Variants in FBXO24 observed in about 807,000 individuals in gnomAD.
FBXO24 encodes F-box protein 24.
FBXO24 carries 30 observed loss-of-function variants against 63.5 expected under a neutral mutation model. That is an observed-to-expected ratio of 0.47 (90% CI 0.35 to 0.64). The LOEUF is 0.64. Among genes scored for constraint, FBXO24 ranks in the 30% least tolerant of loss-of-function variants. The probability of loss-of-function intolerance (pLI) is 0.00; values close to 1 mark genes in which losing one functional copy is unlikely to be tolerated. For synonymous variants in FBXO24, 300 were observed against 305.0 expected, an observed-to-expected ratio of 0.98 and a Z score of 0.17; for missense variants, 624 against 763.4, an observed-to-expected ratio of 0.82 and a Z score of 2.15.
Position 100,600,266 on chromosome 7 carries a change from A to G in FBXO24, c.1377+65A>G. 1 of 1,455,316 alleles carries G rather than the reference A, an allele frequency of 6.9e-7. No individual in the cohort carries two copies. The highest frequency in any genetic ancestry group is 9.1e-7 in the Non-Finnish European group (1 of 1,099,216). 90.2% of individuals were successfully genotyped at this position (1,455,316 alleles called of 1,614,324 possible). A position where few individuals can be genotyped will look rare whatever the true frequency, so the allele number is the denominator to read the frequency against. ...GAGAGCCATGAACCAGGAAGCCCAC[A>G]GGCTGTAGCTGGGGCTCCTGCAGGG... On this transcript the variant is annotated intron_variant, in intron 9 of 9. Transcript: ENST00000241071. This position sits in a 1 kb window ranked among gnomAD's most constrained non-coding sequence, Gnocchi z 6.3.
rs1426970382 is a variant in FBXO24, at chr7:100,592,905, T to C, written c.681T>C (p.Tyr227=). The C allele has an allele frequency of 1.9e-6, 3 of 1,614,080 alleles. No individual in the cohort carries two copies. The African/African-American group carries it at 4.0e-5, about 22-fold the overall frequency. The change falls in exon 5 of 10, where the codon TAT becomes TAC. Residue 227 remains tyrosine, a synonymous_variant. Transcript: ENST00000241071. ...SSRACDCVEV[Y]LQSSGQRVFK... ...GGGCCTGTGACTGTGTTGAGGTCTA[T>C]CTGCAGTCTAGTGGGCAGCGGGTCT...
At position 100,591,875 on chromosome 7, in the gene FBXO24, T is replaced by C. The variant is rs1476627831; in HGVS notation, c.531T>C (p.Tyr177=). Residue 177 remains tyrosine, a synonymous_variant, in exon 4 of 10, where the codon TAT becomes TAC. Coordinates refer to ENST00000241071, the MANE Select transcript of FBXO24 (RefSeq NM_033506.3). ...TGCAGTGGAAGCGGGCCTGTCGCTATGTTGTGTTGTGTCGTGGAGCCAAGG... is the reference window on the plus strand; with the variant it reads ...TGCAGTGGAAGCGGGCCTGTCGCTACGTTGTGTTGTGTCGTGGAGCCAAGG... ...GQMQWKRACR[Y]VVLCRGAKDF... The C allele has an allele frequency of 2.5e-6, 4 of 1,614,196 alleles. No individual in the cohort carries two copies. Among genetic ancestry groups the C allele is most frequent in the Admixed American group, 1.7e-5 (1 of 60,014 alleles).
Position 100,594,251 on chromosome 7 carries a change from T to C in FBXO24, c.794-132T>C. 1.0e-6 allele frequency: 1 copy of C among 984,892 alleles called. No homozygotes were observed. Among genetic ancestry groups the C allele is most frequent in the Non-Finnish European group, 1.5e-6 (1 of 683,246 alleles). The allele number at this position is 984,892 out of a possible 1,614,324, so 61.0% of individuals were successfully genotyped here. On this transcript the variant is annotated intron_variant, in intron 5 of 9. Coordinates refer to ENST00000241071, the MANE Select transcript of FBXO24 (RefSeq NM_033506.3). This position sits in a 1 kb window ranked among gnomAD's most constrained non-coding sequence, Gnocchi z 4.2. ...GAGTCTGGGGGACTTGGGGTCACTCTTCCCTTATTTCTTTCTCAGCCCCAC... is the reference window on the plus strand; with the variant it reads ...GAGTCTGGGGGACTTGGGGTCACTCCTCCCTTATTTCTTTCTCAGCCCCAC...
In FBXO24 at chr7:100,595,206, C is replaced by T; in HGVS notation, c.1057C>T (p.Leu353Phe). The T allele has an allele frequency of 6.2e-7, 1 of 1,614,160 alleles. No individual in the cohort carries two copies. Among genetic ancestry groups the T allele is most frequent in the Non-Finnish European group, 8.5e-7 (1 of 1,180,006 alleles). Reference sequence around the variant, plus strand: ...CCTGGACCAGCAGATGCCGCTTGCTCTCTCACTGCCTGCCAAGGTAGGCTC... The same window carrying T: ...CCTGGACCAGCAGATGCCGCTTGCTTTCTCACTGCCTGCCAAGGTAGGCTC... ...DPLDQQMPLA[L>F]SLPAKILFCA... Residue 353 changes from leucine (L) to phenylalanine (F), a missense_variant, in exon 7 of 10, where the codon CTC becomes TTC. Physicochemically the swap from Leu to Phe is conservative, Grantham distance 22. Transcript: ENST00000241071.
At position 100,600,303 on chromosome 7, in the gene FBXO24, C is replaced by T. The variant is rs1802529520; in HGVS notation, c.1377+102C>T. Reference sequence around the variant, plus strand: ...GGGCTCCTGCAGGGACCCAGGGGGTCCCATTTCCCTAGCACCACCCCACCT... The same window carrying T: ...GGGCTCCTGCAGGGACCCAGGGGGTTCCATTTCCCTAGCACCACCCCACCT... On this transcript the variant is annotated intron_variant, in intron 9 of 9. Transcript: ENST00000241071. This position sits in a 1 kb window ranked among gnomAD's most constrained non-coding sequence, Gnocchi z 6.3. The T allele has an allele frequency of 2.8e-6, 4 of 1,405,934 alleles. No individual in the cohort carries two copies. In the African/African-American group the frequency reaches 5.8e-5, roughly 20 times the overall value. 87.1% of individuals were successfully genotyped at this position (1,405,934 alleles called of 1,614,324 possible).
chr7:100,588,522 G>A (rs757223455), intron 1 of FBXO24, among the ~76,000 whole-genome samples: 1 of 152,182 alleles, frequency 6.6e-6, no homozygotes, highest in African/African-American at 2.4e-5. Context: ...GTCAATGAAC[G>A]GATCTGTGAC....
chr7:100,592,968 G>A lies in FBXO24; in HGVS notation c.744G>A (p.Gln248=). The A allele has an allele frequency of 6.2e-7, 1 of 1,614,218 alleles. No homozygotes were observed. The highest frequency in any genetic ancestry group is 8.5e-7 in the Non-Finnish European group (1 of 1,180,046). ...TCCACCACTCAATGACCTTCAAGCA[G>A]ATCGTGCTGGTTGGTCAGGAGACCC... The part of the protein sequence containing the change: ...MTFHHSMTFK[Q]IVLVGQETQR... Residue 248 remains glutamine, a synonymous_variant, in exon 5 of 10, where the codon CAG becomes CAA. Transcript: ENST00000241071.
In FBXO24 at chr7:100,586,736, C is replaced by T. The variant is rs186546354; in HGVS notation, c.39+72C>T. ...CTGGCCGGCCGGGAACGCAGTTCGC[C>T]GCTGCAGTGGCGAGTGCGAGCTGGA... On this transcript the variant is annotated intron_variant, in intron 1 of 9. Coordinates refer to ENST00000241071, the MANE Select transcript of FBXO24 (RefSeq NM_033506.3). 7 of 1,556,150 alleles carry T rather than the reference C, an allele frequency of 4.5e-6. No individual in the cohort carries two copies. In the East Asian group the frequency reaches 1.1e-4, roughly 25 times the overall value.
Position 100,594,857 on chromosome 7 carries a change from G to A in FBXO24, c.953-245G>A, listed in dbSNP as rs1802227891. On this transcript the variant is annotated intron_variant, in intron 6 of 9. Transcript: ENST00000241071. This position sits in a 1 kb window ranked among gnomAD's most constrained non-coding sequence, Gnocchi z 4.2. Reference sequence around the variant, plus strand: ...CCCAGCTACACCAGAGGCCGAGACAGGAGAATCACTTGAACCAGGAGGTAG... The same window carrying A: ...CCCAGCTACACCAGAGGCCGAGACAAGAGAATCACTTGAACCAGGAGGTAG... Among the ~76,000 whole-genome samples, 1 of 152,188 alleles carries A rather than the reference G, an allele frequency of 6.6e-6. No homozygotes were observed. Among genetic ancestry groups the A allele is most frequent in the East Asian group, 1.9e-4 (1 of 5,196 alleles).
intron 5 of FBXO24, among the ~76,000 whole-genome samples, chr7:100,593,797 CAAAA>C (rs900435798): frequency 2.1e-4 from 12 of 56,586 alleles, no homozygotes; most frequent in Non-Finnish European, 4.1e-4. Flanking sequence ...ACTCCATCTC[CAAAA>C]AAAAAAAAAA....
In FBXO24 at chr7:100,594,274, C is replaced by T; in HGVS notation, c.794-109C>T. On this transcript the variant is annotated intron_variant, in intron 5 of 9. Transcript: ENST00000241071. This position sits in a 1 kb window ranked among gnomAD's most constrained non-coding sequence, Gnocchi z 4.2. The stretch of plus-strand genomic sequence containing the variant: ...TCTTCCCTTATTTCTTTCTCAGCCC[C>T]ACTCTAGGGCAGTAAATGTGTCACC... The T allele has an allele frequency of 8.2e-7, 1 of 1,218,714 alleles. No individual in the cohort carries two copies. The highest frequency in any genetic ancestry group is 1.1e-6 in the Non-Finnish European group (1 of 883,672). The allele number at this position is 1,218,714 out of a possible 1,614,324, so 75.5% of individuals were successfully genotyped here.
chr7:100,589,776 C>G lies in FBXO24; in HGVS notation c.40-201C>G, dbSNP rs377517362. 2.0e-5 allele frequency: 30 copies of G among 1,534,976 alleles called. No individual in the cohort carries two copies. In the Admixed American group the frequency reaches 5.9e-4, roughly 30 times the overall value. ...GCAAAAATTCACCAGGCTGTGTGGA[C>G]GGGAGGAGGGGCTCCGGGTGAGGGG... On this transcript the variant is annotated intron_variant, in intron 1 of 9. Transcript: ENST00000241071.
Position 100,594,931 on chromosome 7 carries a change from C to A in FBXO24, c.953-171C>A, listed in dbSNP as rs572320327. On this transcript the variant is annotated intron_variant, in intron 6 of 9. Transcript: ENST00000241071. The surrounding 1 kb of genome is among the most constrained non-coding windows in gnomAD (Gnocchi z 4.2). ...GCCACTTCGCTCCAGCCTGGGTGAC[C>A]GAGGGAGACTCGGTCTCAAAAGATG... 4.6e-5 allele frequency among the ~76,000 whole-genome samples: 7 copies of A among 152,006 alleles called. No individual in the cohort carries two copies. Among genetic ancestry groups the A allele is most frequent in the Non-Finnish European group, 1.0e-4 (7 of 67,980 alleles).
At chr7:100,595,539 A>G (rs770860221) in intron 7 of FBXO24, 36 bp from the exon 8 acceptor site, 16 of 1,544,016 alleles carry the variant, frequency 1.0e-5, no homozygotes, top group East Asian at 2.3e-5. Context: ...TCTGGAGGGA[A>G]TGGAATCCCT....
At position 100,588,888 on chromosome 7, in the gene FBXO24, C is replaced by T. The variant is rs780585695; in HGVS notation, c.40-1089C>T. 1.0e-3 allele frequency among the ~76,000 whole-genome samples: 152 copies of T among 152,164 alleles called. 1 individual carries two copies. The highest frequency in any genetic ancestry group is 5.8e-4 in the African/African-American group (24 of 41,516). ...TCGCCCGGGCTGGAGTGCAGTGGCA[C>T]GATCATAGCTCACTGCTGCCTCAAA... On this transcript the variant is annotated intron_variant, in intron 1 of 9. Transcript: ENST00000241071.
At position 100,596,643 on chromosome 7, in the gene FBXO24, C is replaced by T. The variant is rs57607761; in HGVS notation, c.1206+937C>T. On this transcript the variant is annotated intron_variant, in intron 8 of 9. Coordinates refer to ENST00000241071, the MANE Select transcript of FBXO24 (RefSeq NM_033506.3). ...GAGTGATGACAGCACTTGAGACAAGCGCCTGGTGCTGCAGCGAGAATGGGA... is the reference window on the plus strand; with the variant it reads ...GAGTGATGACAGCACTTGAGACAAGTGCCTGGTGCTGCAGCGAGAATGGGA... Among the ~76,000 whole-genome samples the T allele has an allele frequency of 1.6e-3, 247 of 152,070 alleles. 3 individuals carry two copies. The East Asian group carries it at 0.03, about 18-fold the overall frequency.
At chr7:100,593,711 C>T (rs1247751005) in intron 5 of FBXO24, among the ~76,000 whole-genome samples, 1 of 149,598 alleles carries the variant, frequency 6.7e-6, no homozygotes, top group East Asian at 2.0e-4. Flanking sequence ...GCAGGAGAAT[C>T]GCTTGAACCC....
At chr7:100,589,851 G>A (rs1801920418) in intron 1 of FBXO24, 126 bp from the exon 2 acceptor site, 2 of 1,545,654 alleles carry the variant, frequency 1.3e-6, no homozygotes, top group South Asian at 1.2e-5. Context: ...TTAGGGATGG[G>A]TCTGGAGAGA....
In FBXO24 at chr7:100,600,387, T is replaced by C; in HGVS notation, c.1378-147T>C. 2 of 1,457,724 alleles carry C rather than the reference T, an allele frequency of 1.4e-6. No individual in the cohort carries two copies. Among genetic ancestry groups the C allele is most frequent in the Non-Finnish European group, 1.8e-6 (2 of 1,085,766 alleles). 90.3% of individuals were successfully genotyped at this position (1,457,724 alleles called of 1,614,324 possible). A position where few individuals can be genotyped will look rare whatever the true frequency, so the allele number is the denominator to read the frequency against. ...CTCCCTTAGCAGACTGTGCTGGCCT[T>C]GCCCAACCTCACACACCCCTGGGAC... On this transcript the variant is annotated intron_variant, in intron 9 of 9. Coordinates refer to ENST00000241071, the MANE Select transcript of FBXO24 (RefSeq NM_033506.3). This position sits in a 1 kb window ranked among gnomAD's most constrained non-coding sequence, Gnocchi z 6.3.
Sources: allele counts gnomAD v4.1 joint callset (sites outside exome capture counted in the v4.1 genomes callset), GRCh38; gene constraint gnomAD v4.1.1; non-coding constraint Gnocchi (gnomAD v3.1); transcripts MANE v1.5; gene names NCBI Gene and HGNC (gene_info 2026-07-23, HGNC 2026-07-21).